Variants in REEP3 observed in about 807,000 individuals in gnomAD.
REEP3 encodes receptor expression-enhancing protein 3.
REEP3 carries 20 observed loss-of-function variants against 41.3 expected under a neutral mutation model. The ratio of observed to expected loss-of-function variants is 0.48; its 90% CI spans 0.34 to 0.70. The LOEUF is 0.70. Among genes scored for constraint, REEP3 ranks in the 30% least tolerant of loss-of-function variants. The pLI, the probability that REEP3 is intolerant of heterozygous loss-of-function variation, is 0.01. For missense variants in REEP3, 271 were observed against 308.8 expected, an observed-to-expected ratio of 0.88 and a Z score of 0.92; for synonymous variants, 104 against 101.8, an observed-to-expected ratio of 1.02 and a Z score of -0.13.
intron 2 of REEP3, among the ~76,000 whole-genome samples, chr10:63,580,887 C>A (rs548281832): frequency 6.6e-6 from 1 of 152,170 alleles, no homozygotes; most frequent in African/African-American, 2.4e-5. Flanking sequence ...AGACATGTGC[C>A]TACAGTGCCA....
At chr10:63,584,270 C>T (rs1589876328) in intron 2 of REEP3, among the ~76,000 whole-genome samples, 2 of 151,944 alleles carry the variant, frequency 1.3e-5, no homozygotes, top group Admixed American at 6.6e-5. Context: ...CTGCCAGTTC[C>T]GCATCTGAAA....
chr10:63,547,860 G>A (rs770686279), intron 1 of REEP3, among the ~76,000 whole-genome samples: 3 of 152,222 alleles, frequency 2.0e-5, no homozygotes, highest in Non-Finnish European at 4.4e-5. Flanking sequence ...AATGGAGAAT[G>A]AGGTCAGAAA....
intron 1 of REEP3, among the ~76,000 whole-genome samples, chr10:63,557,000 G>A (rs1421840383): frequency 6.6e-6 from 1 of 152,010 alleles, no homozygotes. Context: ...CTGCCTTTTT[G>A]ATTTCACTAA....
At chr10:63,615,670 G>A (rs1482075417) in intron 6 of REEP3, among the ~76,000 whole-genome samples, 2 of 151,462 alleles carry the variant, frequency 1.3e-5, no homozygotes, top group African/African-American at 2.4e-5. Context: ...TCAGCCTCCC[G>A]AGTAGCTGGG....
chr10:63,616,648 G>C (rs1488320967), intron 6 of REEP3, among the ~76,000 whole-genome samples: 2 of 152,108 alleles, frequency 1.3e-5, no homozygotes, highest in Admixed American at 1.3e-4. Flanking sequence ...AAAATAGCAA[G>C]GACTGGGTTT....
At chr10:63,555,550 A>G (rs1028167573) in intron 1 of REEP3, among the ~76,000 whole-genome samples, 1 of 152,178 alleles carries the variant, frequency 6.6e-6, no homozygotes, top group Non-Finnish European at 1.5e-5. Flanking sequence ...ACTTTGCACT[A>G]CTTGTAACCA....
chr10:63,609,384 G>A (rs938558707), intron 5 of REEP3, among the ~76,000 whole-genome samples: 6 of 147,524 alleles, frequency 4.1e-5, no homozygotes, highest in Admixed American at 6.8e-5. Context: ...CCTGGGAGGC[G>A]GAGCTTGCAG....
intron 1 of REEP3, among the ~76,000 whole-genome samples, chr10:63,532,349 A>T (rs191748669): frequency 6.6e-6 from 1 of 152,322 alleles, no homozygotes; most frequent in East Asian, 1.9e-4. Context: ...TCAAGTAATG[A>T]TGTGTTCATT....
intron 1 of REEP3, among the ~76,000 whole-genome samples, chr10:63,558,253 G>T (rs946028950): frequency 1.3e-5 from 2 of 152,166 alleles, no homozygotes; most frequent in Admixed American, 1.3e-4. Context: ...GGTTTACCTA[G>T]CTCCTGTCCT....
rs773095084 is a variant in REEP3 at position 63,619,792 on chromosome 10, C to T, written c.703C>T (p.Arg235Cys). 12 of 1,607,792 alleles carry T rather than the reference C, an allele frequency of 7.5e-6. No individual in the cohort carries two copies. Among genetic ancestry groups the T allele is most frequent in the South Asian group, 2.2e-5 (2 of 89,454 alleles). ...GAAATCTGTGAAAACCACCAAAGGC[C>T]GCAAAGAGGTTGGTTAAGTGTAGAG... ...SMKSVKTTKG[R>C]KEVRYGSLKY... The change falls in exon 7 of 8, where the codon CGC becomes TGC. Residue 235 changes from arginine to cysteine, a missense_variant. Arg to Cys is a radical substitution (Grantham distance 180). Coordinates refer to ENST00000373758, the MANE Select transcript of REEP3 (RefSeq NM_001001330.3).
At chr10:63,554,142 G>A (rs1001130079) in intron 1 of REEP3, among the ~76,000 whole-genome samples, 82 of 151,556 alleles carry the variant, frequency 5.4e-4, no homozygotes, top group African/African-American at 1.8e-3. Flanking sequence ...GAACTTTCAC[G>A]TTATCTTTAA....
rs1394864355 is a variant in REEP3, at chr10:63,528,958, G to GA, written c.32+7385dup. On this transcript the variant is annotated intron_variant, in intron 1 of 7. Coordinates refer to ENST00000373758, the MANE Select transcript of REEP3 (RefSeq NM_001001330.3). ...ACCTATCATCTGTCCTCTCCAACTA[G>GA]AAAATAGTCTCCATGAGAGAAGTCT... 4.6e-5 allele frequency among the ~76,000 whole-genome samples: 7 copies of GA among 152,274 alleles called. 1 individual carries two copies. The East Asian group carries it at 7.7e-4, about 17-fold the overall frequency.
intron 5 of REEP3, chr10:63,606,192 G>A (rs1037563193): frequency 1.7e-6 from 1 of 578,164 alleles, no homozygotes; most frequent in South Asian, 7.8e-5. Context: ...CTTGTGAATG[G>A]TAATCCCGCC....
At chr10:63,586,459 AAGATTCCATTTG>A (rs906678187) in intron 2 of REEP3, among the ~76,000 whole-genome samples, 2 of 152,156 alleles carry the variant, frequency 1.3e-5, no homozygotes, top group Non-Finnish European at 2.9e-5. Flanking sequence ...AAATGACTTT[AAGATTCCATTTG>A]AGGATTATTT....
At chr10:63,602,353 G>T (rs753910109) in intron 5 of REEP3, among the ~76,000 whole-genome samples, 11 of 152,190 alleles carry the variant, frequency 7.2e-5, no homozygotes, top group Non-Finnish European at 1.3e-4. Context: ...GGATGAAGAG[G>T]AGAAGGAGAC....
In REEP3 at chr10:63,531,740, A is replaced by G. The variant is rs532456626; in HGVS notation, c.32+10163A>G. Among the ~76,000 whole-genome samples, 3 of 152,308 alleles carry G rather than the reference A, an allele frequency of 2.0e-5. No homozygotes were observed. The East Asian group carries it at 5.8e-4, about 29-fold the overall frequency. On this transcript the variant is annotated intron_variant, in intron 1 of 7. Transcript: ENST00000373758. ...CTTTACGAGATATAGTCCGCTCAGC[A>G]TCTCCACCTGAAAATGGCTGTGCTA...
intron 2 of REEP3, among the ~76,000 whole-genome samples, chr10:63,574,570 T>A (rs1047616670): frequency 1.3e-5 from 2 of 152,180 alleles, no homozygotes; most frequent in African/African-American, 4.8e-5. Flanking sequence ...ACCTGTCATA[T>A]AATCATTTTC....
intron 6 of REEP3, among the ~76,000 whole-genome samples, chr10:63,618,020 T>G (rs1274018590): frequency 1.3e-5 from 2 of 151,308 alleles, no homozygotes; most frequent in African/African-American, 2.4e-5. Flanking sequence ...AGTCGGGTGT[T>G]TCACCATGTT....
chr10:63,556,584 G>C (rs1449947635), intron 1 of REEP3, among the ~76,000 whole-genome samples: 1 of 38,740 alleles, frequency 2.6e-5, no homozygotes, highest in Non-Finnish European at 5.9e-5. Context: ...GTTTTGTTTT[G>C]TTTTGTTTTG....
Sources: allele counts gnomAD v4.1 joint callset (sites outside exome capture counted in the v4.1 genomes callset), GRCh38; gene constraint gnomAD v4.1.1; transcripts MANE v1.5; gene names NCBI Gene and HGNC (gene_info 2026-07-23, HGNC 2026-07-21).